Variants in NTNG1 observed in about 807,000 individuals in gnomAD.
The protein encoded by NTNG1 is netrin G1.
A neutral mutation model predicts 54.0 loss-of-function variants in NTNG1; 16 were observed. The ratio of observed to expected loss-of-function variants is 0.30; its 90% CI spans 0.20 to 0.45. NTNG1 has a LOEUF of 0.45. NTNG1 is among the 20% of genes least tolerant of loss of function. The pLI, the probability that NTNG1 is intolerant of heterozygous loss-of-function variation, is 1.00. For missense variants in NTNG1, 530 were observed against 678.7 expected (o/e 0.78, Z 2.43); for synonymous variants, 255 against 263.1 (o/e 0.97, Z 0.30).
rs568653300 is a variant in NTNG1 at position 107,345,308 on chromosome 1, C to T, written c.887+20386C>T. ...AGCTAACATTCGAAACATTATAAGC[C>T]GGAACTACTTACTGTTAGCTAATAC... On this transcript the variant is annotated intron_variant, in intron 3 of 7. Coordinates refer to ENST00000370068, the MANE Select transcript of NTNG1 (RefSeq NM_001113226.3). Among the ~76,000 whole-genome samples the T allele has an allele frequency of 6.6e-5, 10 of 152,204 alleles. No homozygotes were observed. In the East Asian group the frequency reaches 1.2e-3, roughly 18 times the overall value.
At chr1:107,437,686 T>G (rs588810) in intron 7 of NTNG1, among the ~76,000 whole-genome samples, 75,953 of 152,012 alleles carry the variant, frequency 0.5, 19,227 homozygotes, top group South Asian at 0.55. Context: ...AGAAATAAGA[T>G]AAATTAATTT....
intron 7 of NTNG1, among the ~76,000 whole-genome samples, chr1:107,443,323 A>C (rs1676091851): frequency 6.6e-6 from 1 of 152,120 alleles, no homozygotes; most frequent in Non-Finnish European, 1.5e-5. Flanking sequence ...CTAGAGACTT[A>C]AATAACTCCT....
chr1:107,451,865 G>GA (rs2101488168), intron 7 of NTNG1, among the ~76,000 whole-genome samples: 1 of 152,238 alleles, frequency 6.6e-6, no homozygotes, highest in African/African-American at 2.4e-5. Flanking sequence ...AGTAAAACGT[G>GA]AAATCGTAGA....
chr1:107,187,272 C>T (rs929046487), intron 2 of NTNG1, among the ~76,000 whole-genome samples: 3 of 152,082 alleles, frequency 2.0e-5, no homozygotes, highest in African/African-American at 7.2e-5. Flanking sequence ...GCACCCAATG[C>T]AGTACTTGGC....
At chr1:107,375,802 A>G (rs1206295938) in intron 3 of NTNG1, among the ~76,000 whole-genome samples, 2 of 152,204 alleles carry the variant, frequency 1.3e-5, no homozygotes, top group African/African-American at 4.8e-5. Flanking sequence ...ACCATGTCAG[A>G]CATCAGACCA....
Position 107,407,665 on chromosome 1 carries a change from G to T in NTNG1, c.1061-17G>T, listed in dbSNP as rs566003061. 35 of 1,591,420 alleles carry T rather than the reference G, an allele frequency of 2.2e-5. No individual in the cohort carries two copies. In the East Asian group the frequency reaches 7.2e-4, roughly 33 times the overall value. On this transcript the variant is annotated splice_polypyrimidine_tract_variant and intron_variant, in intron 4 of 7. Transcript: ENST00000370068. ...AAATAGCTAACAGCTTTTCTTTATT[G>T]TTTTCTTTTTCTCCAGGTATCCCCA...
At position 107,472,457 on chromosome 1, in the gene NTNG1, C is replaced by T. The variant is rs1678045308; in HGVS notation, c.1391-8154C>T. ...AGCTGCAACTAGAATACAAGCCCCT[C>T]ATGTGCAGCTCCACTGTGGGTCTGG... On this transcript the variant is annotated intron_variant, in intron 7 of 7. Transcript: ENST00000370068. Among the ~76,000 whole-genome samples the T allele has an allele frequency of 2.0e-5, 3 of 152,224 alleles. No homozygotes were observed. In the South Asian group the frequency reaches 6.2e-4, roughly 32 times the overall value.
chr1:107,278,284 C>T (rs1360921693), intron 2 of NTNG1, among the ~76,000 whole-genome samples: 3 of 152,194 alleles, frequency 2.0e-5, no homozygotes, highest in Admixed American at 2.0e-4. Context: ...GAAGTATTGT[C>T]ATTAAGTATT....
At chr1:107,355,937 C>A (rs985522308) in intron 3 of NTNG1, among the ~76,000 whole-genome samples, 5 of 152,146 alleles carry the variant, frequency 3.3e-5, no homozygotes, top group African/African-American at 1.2e-4. Flanking sequence ...CAAAAGTGTT[C>A]ATAAATTATT....
intron 2 of NTNG1, among the ~76,000 whole-genome samples, chr1:107,323,264 T>C (rs1667757006): frequency 6.6e-6 from 1 of 152,152 alleles, no homozygotes. Context: ...TGATACTACT[T>C]GTTTTCTTAA....
intron 2 of NTNG1, among the ~76,000 whole-genome samples, chr1:107,199,043 A>T (rs1207197565): frequency 1.3e-5 from 2 of 151,880 alleles, no homozygotes; most frequent in African/African-American, 4.8e-5. Flanking sequence ...CTAGTCAACA[A>T]TGAGTTACAG....
At chr1:107,186,836 G>A (rs375016105) in intron 2 of NTNG1, among the ~76,000 whole-genome samples, 9 of 152,132 alleles carry the variant, frequency 5.9e-5, no homozygotes, top group African/African-American at 1.7e-4. Flanking sequence ...CAAAATATAG[G>A]CCATGCCCCA....
At chr1:107,388,022 A>G (rs185969020) in intron 3 of NTNG1, among the ~76,000 whole-genome samples, 88 of 152,320 alleles carry the variant, frequency 5.8e-4, no homozygotes, top group Non-Finnish European at 1.9e-4. Context: ...CTCTGTTTAT[A>G]GTCTGTAGTT....
chr1:107,245,698 A>G (rs945457156), intron 2 of NTNG1, among the ~76,000 whole-genome samples: 3 of 152,232 alleles, frequency 2.0e-5, no homozygotes, highest in Admixed American at 6.5e-5. Flanking sequence ...GCCAAGGGTG[A>G]AAAGCAAATG....
chr1:107,250,874 C>A (rs1038235521), intron 2 of NTNG1, among the ~76,000 whole-genome samples: 4 of 152,230 alleles, frequency 2.6e-5, no homozygotes, highest in African/African-American at 7.2e-5. Context: ...AATCTGGTAG[C>A]ATCACTCTAT....
chr1:107,275,346 C>T (rs895161552), intron 2 of NTNG1, among the ~76,000 whole-genome samples: 2 of 152,026 alleles, frequency 1.3e-5, no homozygotes, highest in African/African-American at 2.4e-5. Flanking sequence ...CACTGCACTC[C>T]AGCCTAGGTG....
intron 7 of NTNG1, 33 bp downstream of exon 7, chr1:107,436,832 T>C (rs770611504): frequency 2.5e-6 from 4 of 1,607,450 alleles, no homozygotes; most frequent in Non-Finnish European, 3.4e-6. Context: ...CTCTGCCTGC[T>C]GCAGCATGGC....
intron 2 of NTNG1, chr1:107,261,122 T>C (rs1382901932): frequency 6.6e-6 from 1 of 152,218 alleles, no homozygotes; most frequent in Non-Finnish European, 1.5e-5. Flanking sequence ...TTAAAAATTA[T>C]TTGTTCTTTA....
intron 3 of NTNG1, among the ~76,000 whole-genome samples, chr1:107,373,571 T>A (rs1348698490): frequency 7.2e-6 from 1 of 139,430 alleles, no homozygotes; most frequent in Admixed American, 7.2e-5. Context: ...TATGTTATCC[T>A]TTTTTTTTTT....
Sources: gnomAD v4.1 joint callset for allele counts (sites outside exome capture counted in the v4.1 genomes callset) on GRCh38, gnomAD v4.1.1 for gene constraint, MANE v1.5 for transcripts, NCBI Gene and HGNC (gene_info 2026-07-23, HGNC 2026-07-21) for gene names.